Variants in PARL observed in about 807,000 individuals in gnomAD.
PARL encodes the protein presenilin-associated rhomboid-like protein, mitochondrial.
PARL carries 44 observed loss-of-function variants against 51.6 expected under a neutral mutation model. The ratio of observed to expected loss-of-function variants is 0.85; its 90% CI spans 0.67 to 1.10. The LOEUF (loss-of-function observed/expected upper bound fraction) is 1.10. Among genes scored for constraint, PARL ranks in the 50% least tolerant of loss-of-function variants. The pLI is 0.00. For synonymous variants in PARL, 172 were observed against 164.0 expected (o/e 1.05, Z -0.37); for missense variants, 441 against 469.5 (o/e 0.94, Z 0.56).
rs1729884125 is a variant in PARL, at chr3:183,845,835, C to T, written c.512-1509G>A. ...TTAATCATCTTTACTACCCAGAGTG[C>T]ACCCTTAGGTCTAGGTTGTCATACC... On this transcript the variant is annotated intron_variant, in intron 4 of 9. Transcript: ENST00000317096. 1.3e-5 allele frequency among the ~76,000 whole-genome samples: 2 copies of T among 152,248 alleles called. 1 individual carries two copies.
chr3:183,882,362 CATAT>C (rs576585524), intron 1 of PARL, among the ~76,000 whole-genome samples: 26 of 142,124 alleles, frequency 1.8e-4, no homozygotes, highest in African/African-American at 5.3e-4. Flanking sequence ...CATATATGCA[CATAT>C]ATACACACAC....
chr3:183,868,139 C>T, intron 1 of PARL, 79 bp from the exon 2 acceptor site: 1 of 953,998 alleles, frequency 1.0e-6, no homozygotes, highest in Non-Finnish European at 1.7e-6. Flanking sequence ...ACTTGGCCTG[C>T]ATCATCACCA....
intron 6 of PARL, 142 bp from the exon 7 acceptor site, chr3:183,840,782 C>T: frequency 3.4e-6 from 2 of 587,192 alleles, no homozygotes; most frequent in South Asian, 4.6e-5. Flanking sequence ...AATTTTGGCT[C>T]ACTGCAACCT....
chr3:183,867,253 T>C (rs1345228783), intron 2 of PARL, among the ~76,000 whole-genome samples: 2 of 151,614 alleles, frequency 1.3e-5, no homozygotes, highest in Admixed American at 1.3e-4. Flanking sequence ...AACTTCACAA[T>C]ACCCTGGGGC....
At chr3:183,849,325 C>A (rs990706209) in intron 4 of PARL, among the ~76,000 whole-genome samples, 1 of 152,154 alleles carries the variant, frequency 6.6e-6, no homozygotes, top group Non-Finnish European at 1.5e-5. Context: ...TAAAATTATA[C>A]AAACTATGTC....
At chr3:183,846,096 G>A (rs1729915201) in intron 4 of PARL, among the ~76,000 whole-genome samples, 2 of 152,038 alleles carry the variant, frequency 1.3e-5, no homozygotes. Context: ...CAGACACACA[G>A]CACACCCAGC....
chr3:183,863,747 A>G (rs1185059301), intron 3 of PARL, among the ~76,000 whole-genome samples: 1 of 152,104 alleles, frequency 6.6e-6, no homozygotes, highest in Non-Finnish European at 1.5e-5. Context: ...TTCCATTTCT[A>G]TAATTATAAT....
At chr3:183,877,290 G>T (rs577449468) in intron 1 of PARL, among the ~76,000 whole-genome samples, 1 of 152,310 alleles carries the variant, frequency 6.6e-6, no homozygotes, top group African/African-American at 2.4e-5. Flanking sequence ...GCAATCTCAT[G>T]ATCAAACTTG....
chr3:183,835,504 G>A (rs953135705), intron 7 of PARL, among the ~76,000 whole-genome samples: 10 of 152,190 alleles, frequency 6.6e-5, no homozygotes, highest in Admixed American at 1.3e-4. Flanking sequence ...TGGAAGGACA[G>A]CATGAACACT....
chr3:183,884,554 G>C (rs1187498234), intron 1 of PARL, among the ~76,000 whole-genome samples, 168 bp downstream of exon 1: 2 of 152,204 alleles, frequency 1.3e-5, no homozygotes, highest in African/African-American at 2.4e-5. Context: ...CAAGGGGAGC[G>C]AGAAGCGAGG....
intron 4 of PARL, among the ~76,000 whole-genome samples, chr3:183,858,078 A>G (rs1234513426): frequency 1.3e-5 from 2 of 152,254 alleles, no homozygotes; most frequent in African/African-American, 4.8e-5. Context: ...TGTAAAGCAC[A>G]TAGCATGATA....
At chr3:183,832,227 T>C (rs1728021758) in intron 9 of PARL, among the ~76,000 whole-genome samples, 1 of 152,058 alleles carries the variant, frequency 6.6e-6, no homozygotes, top group African/African-American at 2.4e-5. Flanking sequence ...TTTTTCTTTT[T>C]TTTTTTTTTG....
chr3:183,829,586 C>A lies in PARL; in HGVS notation c.*12G>T. On this transcript the variant is annotated 3_prime_UTR_variant, in exon 10 of 10. Transcript: ENST00000317096. ...CAAGGACCAGATGCACCACTACTGT[C>A]CAATCCCAGTTTTACTTAGAGCCAC... 1 of 1,614,190 alleles carries A rather than the reference C, an allele frequency of 6.2e-7. No homozygotes were observed. Among genetic ancestry groups the A allele is most frequent in the South Asian group, 1.1e-5 (1 of 91,078 alleles).
At chr3:183,866,266 A>G (rs770663720) in intron 3 of PARL, among the ~76,000 whole-genome samples, 5 of 152,200 alleles carry the variant, frequency 3.3e-5, no homozygotes, top group Non-Finnish European at 5.9e-5. Flanking sequence ...GATATATAAA[A>G]CAGTAATCAA....
At chr3:183,837,160 G>A (rs1177259946) in intron 7 of PARL, among the ~76,000 whole-genome samples, 1 of 152,158 alleles carries the variant, frequency 6.6e-6, no homozygotes, top group African/African-American at 2.4e-5. Flanking sequence ...GCTAAGTACA[G>A]CTAAAGACCC....
chr3:183,836,021 CA>C (rs1374798528), intron 7 of PARL, among the ~76,000 whole-genome samples: 2 of 151,746 alleles, frequency 1.3e-5, no homozygotes, highest in Non-Finnish European at 2.9e-5. Context: ...AGTTCGAGAC[CA>C]GCCTGACCAA....
intron 1 of PARL, among the ~76,000 whole-genome samples, chr3:183,872,942 A>T (rs1329960960): frequency 6.6e-6 from 1 of 152,178 alleles, no homozygotes; most frequent in East Asian, 1.9e-4. Flanking sequence ...GACACTAGCC[A>T]CTTACCTCCC....
intron 4 of PARL, 64 bp downstream of exon 4, chr3:183,862,689 T>C (rs1045796533): frequency 8.0e-7 from 1 of 1,250,052 alleles, no homozygotes; most frequent in Non-Finnish European, 1.2e-6. Flanking sequence ...GCTTGTGACA[T>C]ACTGTACCTT....
chr3:183,868,150 T>C, intron 1 of PARL, 90 bp from the exon 2 acceptor site: 1 of 906,842 alleles, frequency 1.1e-6, no homozygotes, highest in African/African-American at 1.6e-5. Flanking sequence ...ATCATCACCA[T>C]CTCAATTTAT....
Sources: gnomAD v4.1 joint callset for allele counts (sites outside exome capture counted in the v4.1 genomes callset) on GRCh38, gnomAD v4.1.1 for gene constraint, MANE v1.5 for transcripts, NCBI Gene and HGNC (gene_info 2026-07-23, HGNC 2026-07-21) for gene names.